Variants in SLC25A21 observed in about 807,000 individuals in gnomAD.
The protein encoded by SLC25A21 is solute carrier family 25 member 21.
SLC25A21 carries 47 observed loss-of-function variants against 43.8 expected under a neutral mutation model. That is an observed-to-expected ratio of 1.07 (90% CI 0.85 to 1.37). SLC25A21 has a LOEUF of 1.37. Ranked by LOEUF, SLC25A21 falls within the 40% of genes most tolerant of loss-of-function variation. The pLI, the probability that SLC25A21 is intolerant of heterozygous loss-of-function variation, is 0.00. For synonymous variants in SLC25A21, 131 were observed against 121.3 expected (o/e 1.08, Z -0.52); for missense variants, 352 against 350.2 (o/e 1.00, Z -0.04).
intron 1 of SLC25A21, among the ~76,000 whole-genome samples, chr14:36,914,888 T>C (rs1891788497): frequency 6.6e-6 from 1 of 152,120 alleles, no homozygotes; most frequent in Admixed American, 6.6e-5. Context: ...GGAAAGAAAC[T>C]GAAAGTTGAT....
chr14:37,130,391 C>T (rs188054372), intron 1 of SLC25A21, among the ~76,000 whole-genome samples: 1 of 152,146 alleles, frequency 6.6e-6, no homozygotes, highest in African/African-American at 2.4e-5. Context: ...TTAAAGCAAC[C>T]TAGATTCCAC....
chr14:36,852,816 G>T (rs1889783369), intron 2 of SLC25A21, among the ~76,000 whole-genome samples: 1 of 151,404 alleles, frequency 6.6e-6, no homozygotes. Flanking sequence ...CCATATTTAG[G>T]TTTAAATATA....
intron 1 of SLC25A21, among the ~76,000 whole-genome samples, chr14:37,161,849 G>C (rs1485334125): frequency 6.6e-6 from 1 of 151,298 alleles, no homozygotes; most frequent in Non-Finnish European, 1.5e-5. Flanking sequence ...TGTAGTCCCA[G>C]CTACTCGGCA....
At chr14:36,973,021 T>TG (rs1402422836) in intron 1 of SLC25A21, among the ~76,000 whole-genome samples, 1 of 62,062 alleles carries the variant, frequency 1.6e-5, no homozygotes, top group Admixed American at 1.6e-4. Flanking sequence ...ATTTATTTAT[T>TG]TATTTTATTT....
intron 7 of SLC25A21, among the ~76,000 whole-genome samples, chr14:36,689,975 CAG>C (rs1350315069): frequency 2.6e-5 from 4 of 152,170 alleles, no homozygotes; most frequent in Non-Finnish European, 4.4e-5. Context: ...TTGGTGGAAA[CAG>C]GGGTTGTTTC....
At position 37,146,397 on chromosome 14, in the gene SLC25A21, G is replaced by A. The variant is rs147475220; in HGVS notation, c.70+25884C>T. 1.7e-4 allele frequency among the ~76,000 whole-genome samples: 26 copies of A among 152,068 alleles called. No homozygotes were observed. The East Asian group carries it at 2.3e-3, about 14-fold the overall frequency. On this transcript the variant is annotated intron_variant, in intron 1 of 9. Transcript: ENST00000331299. Reference sequence around the variant, plus strand: ...AAGTAGCTAAGGCTACAGGAACGTGGCATCACCCCCAGCTAACTTCTGTAT... The same window carrying A: ...AAGTAGCTAAGGCTACAGGAACGTGACATCACCCCCAGCTAACTTCTGTAT...
chr14:36,692,126 C>A (rs1882817768), intron 7 of SLC25A21, among the ~76,000 whole-genome samples: 2 of 152,208 alleles, frequency 1.3e-5, no homozygotes, highest in South Asian at 4.1e-4. Flanking sequence ...TGCTAGAATT[C>A]TCTGGCTGTT....
chr14:36,765,973 C>T (rs1156604587), intron 3 of SLC25A21, among the ~76,000 whole-genome samples: 1 of 152,092 alleles, frequency 6.6e-6, no homozygotes, highest in Non-Finnish European at 1.5e-5. Context: ...CCCATCTTTC[C>T]AACTTCTAGG....
chr14:36,681,208 G>A lies in SLC25A21; in HGVS notation c.839-489C>T, dbSNP rs142429156. Among the ~76,000 whole-genome samples, 163 of 152,310 alleles carry A rather than the reference G, an allele frequency of 1.1e-3. 1 individual carries two copies. Among genetic ancestry groups the A allele is most frequent in the East Asian group, 8.3e-3 (43 of 5,182 alleles). On this transcript the variant is annotated intron_variant, in intron 9 of 9. Coordinates refer to ENST00000331299, the MANE Select transcript of SLC25A21 (RefSeq NM_030631.4). Reference sequence around the variant, plus strand: ...CATAGCTTTCAAACTGCATTGCTACGTGGAAATTAGATTCTGAATATTTAA... The same window carrying A: ...CATAGCTTTCAAACTGCATTGCTACATGGAAATTAGATTCTGAATATTTAA...
Position 36,931,827 on chromosome 14 carries a change from C to G in SLC25A21, c.71-56823G>C, listed in dbSNP as rs562604837. The stretch of plus-strand genomic sequence containing the variant: ...AACTAGGAGGTGTCTCAGAATTTTG[C>G]TCTGAGTACTTATGTGAATGGAGAT... On this transcript the variant is annotated intron_variant, in intron 1 of 9. Transcript: ENST00000331299. Among the ~76,000 whole-genome samples the G allele has an allele frequency of 6.6e-5, 10 of 152,204 alleles. No individual in the cohort carries two copies. In the East Asian group the frequency reaches 1.7e-3, roughly 26 times the overall value.
intron 1 of SLC25A21, among the ~76,000 whole-genome samples, chr14:36,904,773 G>T (rs1235487321): frequency 6.6e-6 from 1 of 152,048 alleles, no homozygotes; most frequent in Admixed American, 6.5e-5. Flanking sequence ...TTACTATCAC[G>T]AGAACAGCAT....
chr14:36,786,284 T>C (rs1209675121), intron 3 of SLC25A21, among the ~76,000 whole-genome samples: 4 of 152,232 alleles, frequency 2.6e-5, no homozygotes, highest in African/African-American at 9.6e-5. Flanking sequence ...TCCCTGCTGT[T>C]TGGCATGTTT....
At chr14:36,764,454 G>T (rs1040154705) in intron 3 of SLC25A21, among the ~76,000 whole-genome samples, 1 of 147,648 alleles carries the variant, frequency 6.8e-6, no homozygotes, top group African/African-American at 2.5e-5. Context: ...CCATGAGATT[G>T]AAGCACAAGC....
intron 1 of SLC25A21, among the ~76,000 whole-genome samples, chr14:37,126,058 G>T (rs75209430): frequency 0.057 from 8,631 of 152,190 alleles, 832 homozygotes; most frequent in African/African-American, 0.2. Context: ...CACAATTCAG[G>T]TTAAAAATAC....
At chr14:37,094,985 A>C (rs1009315876) in intron 1 of SLC25A21, among the ~76,000 whole-genome samples, 1 of 152,196 alleles carries the variant, frequency 6.6e-6, no homozygotes, top group African/African-American at 2.4e-5. Flanking sequence ...CACAAAAAAA[A>C]AGTAAGTATG....
intron 3 of SLC25A21, among the ~76,000 whole-genome samples, chr14:36,758,590 CAAAAAA>C (rs11314165): frequency 7.8e-6 from 1 of 127,698 alleles, no homozygotes. Context: ...TCAGCCAGGT[CAAAAAA>C]AAAAAAAAAA....
At chr14:36,867,462 T>C (rs573265494) in intron 2 of SLC25A21, among the ~76,000 whole-genome samples, 5 of 152,244 alleles carry the variant, frequency 3.3e-5, no homozygotes, top group African/African-American at 9.6e-5. Flanking sequence ...GGCATGGTGC[T>C]AGCTCTGGAG....
intron 1 of SLC25A21, among the ~76,000 whole-genome samples, chr14:37,168,597 A>G (rs1338384698): frequency 6.6e-6 from 1 of 152,062 alleles, no homozygotes; most frequent in African/African-American, 2.4e-5. Context: ...GTGGGCCCCT[A>G]CTAATGCTGG....
At chr14:36,766,402 C>T (rs1886416950) in intron 3 of SLC25A21, among the ~76,000 whole-genome samples, 1 of 152,116 alleles carries the variant, frequency 6.6e-6, no homozygotes, top group African/African-American at 2.4e-5. Flanking sequence ...ATCTGAAGTA[C>T]ACATTCCCGT....
Sources: gnomAD v4.1 joint callset for allele counts (sites outside exome capture counted in the v4.1 genomes callset) on GRCh38, gnomAD v4.1.1 for gene constraint, MANE v1.5 for transcripts, NCBI Gene and HGNC (gene_info 2026-07-23, HGNC 2026-07-21) for gene names.